Variants in TUBB8B observed in about 807,000 individuals in gnomAD.
The protein encoded by TUBB8B is HSA18p11 beta-tubulin 4Q pseudogene.
Under a neutral mutation model 31.9 loss-of-function variants are expected in TUBB8B, and 26 were observed. The observed-to-expected ratio is 0.81, with a 90% CI of 0.60 to 1.13. TUBB8B has a LOEUF of 1.13. Ranked by LOEUF, TUBB8B falls within the 50% of genes most tolerant of loss-of-function variation. The pLI is 0.00. For missense variants in TUBB8B, 467 were observed against 586.7 expected, an observed-to-expected ratio of 0.80 and a Z score of 2.11; for synonymous variants, 173 against 231.0, an observed-to-expected ratio of 0.75 and a Z score of 2.28.
the TUBB8B span, among the ~76,000 whole-genome samples, chr18:59,707 C>T: frequency 6.6e-6 from 1 of 151,456 alleles, no homozygotes; most frequent in Non-Finnish European, 1.5e-5. Context: ...CTCCACCTGG[C>T]TAATTTTTGT....
chr18:68,424 G>C, the TUBB8B span, among the ~76,000 whole-genome samples: 1 of 152,116 alleles, frequency 6.6e-6, no homozygotes, highest in African/African-American at 2.4e-5. Flanking sequence ...TGGGAGAAAG[G>C]GTCTCTTTCC....
At chr18:50,154 A>G (rs1171323589), upstream of TUBB8B, 6 of 326,836 alleles carry the variant, frequency 1.8e-5, no homozygotes, top group East Asian at 4.1e-4. Flanking sequence ...TTTCCAGAGG[A>G]CTGCGGTCTC....
At chr18:62,812 T>A in the TUBB8B span, among the ~76,000 whole-genome samples, 1 of 151,866 alleles carries the variant, frequency 6.6e-6, no homozygotes, top group South Asian at 2.1e-4. Flanking sequence ...TTAGATTCTG[T>A]AGGCATGCTT....
the TUBB8B span, among the ~76,000 whole-genome samples, chr18:68,983 G>T: frequency 6.6e-6 from 1 of 152,222 alleles, no homozygotes; most frequent in Non-Finnish European, 1.5e-5. Context: ...CACTGCAGGT[G>T]TGGTATCTAA....
the TUBB8B span, among the ~76,000 whole-genome samples, chr18:56,864 ACAAT>A: frequency 1.3e-5 from 2 of 151,970 alleles, no homozygotes; most frequent in South Asian, 2.1e-4. Context: ...CTGACAACTG[ACAAT>A]CAAGGTGAAA....
chr18:57,175 A>G, the TUBB8B span, among the ~76,000 whole-genome samples: 3 of 151,794 alleles, frequency 2.0e-5, no homozygotes, highest in Non-Finnish European at 4.4e-5. Context: ...ATTTCAAAAT[A>G]CAATCATGAC....
chr18:65,162 G>A, the TUBB8B span, among the ~76,000 whole-genome samples: 2 of 152,102 alleles, frequency 1.3e-5, no homozygotes, highest in South Asian at 2.1e-4. Flanking sequence ...TTAGCCAGGT[G>A]TGGTGGCAGG....
chr18:53,124 A>G (rs1391383582), upstream of TUBB8B, among the ~76,000 whole-genome samples: 3 of 151,864 alleles, frequency 2.0e-5, no homozygotes, highest in Non-Finnish European at 2.9e-5. Context: ...CTATTTTCAG[A>G]CTATAGGTAT....
chr18:71,838 G>A, the TUBB8B span, among the ~76,000 whole-genome samples: 13 of 151,852 alleles, frequency 8.6e-5, no homozygotes, highest in Middle Eastern at 0.017. Context: ...AGCTGAGATC[G>A]CGCCACTGCA....
chr18:49,073 A>G, intron 2 of TUBB8B, 23 bp from the exon 3 acceptor site: 2 of 1,561,484 alleles, frequency 1.3e-6, no homozygotes, highest in South Asian at 1.1e-5. Flanking sequence ...GGAGGGCATG[A>G]GCGAGGGGAG....
At chr18:70,404 G>A in the TUBB8B span, among the ~76,000 whole-genome samples, 2 of 152,254 alleles carry the variant, frequency 1.3e-5, no homozygotes, top group African/African-American at 2.4e-5. Flanking sequence ...AGGACAAGGC[G>A]GGCAGATCAC....
the TUBB8B span, among the ~76,000 whole-genome samples, chr18:58,572 C>A: frequency 6.6e-6 from 1 of 151,750 alleles, no homozygotes; most frequent in Non-Finnish European, 1.5e-5. Flanking sequence ...TCAGCCTTCA[C>A]CGTCCAGATC....
At chr18:59,995 C>G in the TUBB8B span, among the ~76,000 whole-genome samples, 4 of 151,670 alleles carry the variant, frequency 2.6e-5, no homozygotes, top group African/African-American at 7.3e-5. Context: ...ATTTTTGCAT[C>G]AATATTCTCA....
upstream of TUBB8B, among the ~76,000 whole-genome samples, chr18:53,184 G>A (rs76073222): frequency 1.3e-5 from 2 of 151,866 alleles, no homozygotes; most frequent in African/African-American, 4.8e-5. Context: ...TTAAGATAGA[G>A]AATTCTAGTC....
upstream of TUBB8B, chr18:49,913 G>T (rs1455233342): frequency 1.8e-5 from 9 of 489,938 alleles, no homozygotes; most frequent in Non-Finnish European, 2.8e-5. Context: ...GTTTCCATAT[G>T]CACGGAGTGC....
At chr18:57,486 C>CT in the TUBB8B span, among the ~76,000 whole-genome samples, 3 of 151,974 alleles carry the variant, frequency 2.0e-5, no homozygotes, top group Admixed American at 2.0e-4. Context: ...CCAGGGCACA[C>CT]TAATGCCTTG....
At chr18:64,822 C>G in the TUBB8B span, among the ~76,000 whole-genome samples, 1 of 152,058 alleles carries the variant, frequency 6.6e-6, no homozygotes, top group Admixed American at 6.5e-5. Flanking sequence ...AACTCTTCCC[C>G]GCAATTCCTC....
the TUBB8B span, among the ~76,000 whole-genome samples, chr18:71,332 G>C: frequency 6.6e-6 from 1 of 151,842 alleles, no homozygotes; most frequent in South Asian, 2.1e-4. Flanking sequence ...TGGATCACTT[G>C]AGGTCAGGAG....
chr18:49,027 C>T lies in TUBB8B; in HGVS notation c.190G>A (p.Val64Met), dbSNP rs1905904968. Residue 64 changes from valine (V) to methionine (M), a missense_variant, in exon 3 of 4, where the codon GTG (valine) becomes ATG (methionine). By Grantham distance (21) the Val-to-Met change is conservative (BLOSUM62 1). This residue lies in a region of TUBB8B where 259 missense variants were observed against 380.1 expected (regional missense o/e 0.68). Transcript: ENST00000308911. ...GTGCCCGGCTCCAGATCCACGAGCA[C>T]AGCGCGGGGCACGTACCTGCCACCT... is the stretch of plus-strand genomic sequence containing the variant. ...ASGGRYVPRAVLVDLEPGTMD... is the reference protein window; with the variant it reads ...ASGGRYVPRAMLVDLEPGTMD... The T allele has an allele frequency of 3.1e-6, 5 of 1,608,154 alleles. No individual in the cohort carries two copies. The highest frequency in any genetic ancestry group is 4.2e-6 in the Non-Finnish European group (5 of 1,177,296).
Sources: allele counts gnomAD v4.1 joint callset (sites outside exome capture counted in the v4.1 genomes callset), GRCh38; gene constraint gnomAD v4.1.1; regional missense constraint gnomAD v4.1.1; transcripts MANE v1.5; gene names NCBI Gene and HGNC (gene_info 2026-07-23, HGNC 2026-07-21).